Variants in SLC35E4 observed in about 807,000 individuals in gnomAD.
SLC35E4 encodes solute carrier family 35 member E4.
In SLC35E4, 15 loss-of-function variants were observed where a neutral mutation model predicts 19.3. The ratio of observed to expected loss-of-function variants is 0.78; its 90% CI spans 0.52 to 1.20. SLC35E4 has a LOEUF of 1.20. SLC35E4 is among the 50% of genes most tolerant of loss of function. SLC35E4 has a pLI of 0.00. For synonymous variants in SLC35E4, 219 were observed against 219.9 expected, an observed-to-expected ratio of 1.00 and a Z score of 0.04; for missense variants, 406 against 472.3, an observed-to-expected ratio of 0.86 and a Z score of 1.30.
intron 1 of SLC35E4, among the ~76,000 whole-genome samples, chr22:30,639,554 A>C (rs943663136): frequency 5.9e-5 from 9 of 152,160 alleles, no homozygotes; most frequent in Non-Finnish European, 1.3e-4. Flanking sequence ...TCATCCCTAC[A>C]GCTTCGACCA....
downstream of SLC35E4, among the ~76,000 whole-genome samples, chr22:30,651,007 G>A (rs979963754): frequency 4.7e-5 from 7 of 150,502 alleles, no homozygotes; most frequent in African/African-American, 1.7e-4. Flanking sequence ...GGGCAAACAA[G>A]GATTGTGAGT....
downstream of SLC35E4, among the ~76,000 whole-genome samples, chr22:30,650,177 C>T (rs2088186096): frequency 7.4e-6 from 1 of 135,286 alleles, no homozygotes; most frequent in African/African-American, 2.8e-5. Flanking sequence ...ACTAAAAATA[C>T]AAAAATTAGC....
At position 30,644,160 on chromosome 22, in the gene SLC35E4, C is replaced by T. The variant is rs77225705; in HGVS notation, c.620-2438C>T. 2.6e-3 allele frequency among the ~76,000 whole-genome samples: 401 copies of T among 152,308 alleles called. 1 individual carries two copies. Among genetic ancestry groups the T allele is most frequent in the African/African-American group, 8.9e-3 (370 of 41,578 alleles). On this transcript the variant is annotated intron_variant, in intron 1 of 1. Coordinates refer to ENST00000343605, the MANE Select transcript of SLC35E4 (RefSeq NM_001001479.4). Reference sequence around the variant, plus strand: ...ATAACACTGTTAACTTTCGAGCCTGCGAGCAGGAGGCATTCTGATTATCTG... The same window carrying T: ...ATAACACTGTTAACTTTCGAGCCTGTGAGCAGGAGGCATTCTGATTATCTG...
At chr22:30,651,259 G>C (rs1256667783), downstream of SLC35E4, among the ~76,000 whole-genome samples, 1 of 150,288 alleles carries the variant, frequency 6.7e-6, no homozygotes, top group South Asian at 2.1e-4. Flanking sequence ...AGAATGCAGT[G>C]GTGCAATCTT....
chr22:30,668,920 C>T (rs5753269), exon 3 of SLC35E4: 9 of 152,188 alleles, frequency 5.9e-5, no homozygotes. Context: ...TCCTCCCCTT[C>T]TAGTATTGGT....
At position 30,647,153 on chromosome 22, in the gene SLC35E4, T is replaced by A. The variant is rs2088148761; in HGVS notation, c.*122T>A. The A allele has an allele frequency of 8.1e-7, 1 of 1,239,770 alleles. No individual in the cohort carries two copies. The highest frequency in any genetic ancestry group is 1.5e-5 in the African/African-American group (1 of 65,676). 76.8% of individuals were successfully genotyped at this position (1,239,770 alleles called of 1,614,324 possible). On this transcript the variant is annotated 3_prime_UTR_variant, in exon 2 of 2. Coordinates refer to ENST00000343605, the MANE Select transcript of SLC35E4 (RefSeq NM_001001479.4). The stretch of plus-strand genomic sequence containing the variant: ...TGGCTCACGCCTATAATCCCAGCAC[T>A]TCCAGAGTCCGAGGTGGGTGGATCA...
intron 2 of SLC35E4, among the ~76,000 whole-genome samples, chr22:30,660,157 C>T (rs552074689): frequency 8.5e-5 from 13 of 152,338 alleles, no homozygotes; most frequent in Middle Eastern, 3.4e-3. Flanking sequence ...AGACTCTAAG[C>T]AGAGGACCTA....
intron 1 of SLC35E4, among the ~76,000 whole-genome samples, chr22:30,642,475 C>T (rs925035703): frequency 7.9e-5 from 12 of 152,066 alleles, no homozygotes; most frequent in Non-Finnish European, 1.5e-4. Context: ...TGGTGGCTCA[C>T]GCCTGTAATC....
chr22:30,656,278 C>CT (rs2088336974), intron 2 of SLC35E4, among the ~76,000 whole-genome samples: 1 of 152,166 alleles, frequency 6.6e-6, no homozygotes, highest in African/African-American at 2.4e-5. Context: ...CACTTGGACT[C>CT]TAAGGGCATT....
chr22:30,654,616 G>C, intron 2 of SLC35E4: 1 of 465,802 alleles, frequency 2.1e-6, no homozygotes, highest in South Asian at 1.6e-5. Flanking sequence ...GAAGTGGTAG[G>C]TGCCTCGGGA....
At chr22:30,658,072 A>G (rs1359684455) in intron 2 of SLC35E4, among the ~76,000 whole-genome samples, 1 of 151,562 alleles carries the variant, frequency 6.6e-6, no homozygotes, top group Non-Finnish European at 1.5e-5. Context: ...ACACCACAGT[A>G]TCTAGCCTGG....
At chr22:30,649,496 G>A (rs1271258865), downstream of SLC35E4, among the ~76,000 whole-genome samples, 5 of 129,010 alleles carry the variant, frequency 3.9e-5, 1 homozygote, top group South Asian at 9.5e-4. Context: ...GGCGGGGTGG[G>A]AGTGGGTAGG....
At chr22:30,654,608 A>C (rs1361326184) in intron 2 of SLC35E4, 1 of 466,214 alleles carries the variant, frequency 2.1e-6, no homozygotes, top group Non-Finnish European at 4.3e-6. Flanking sequence ...GGGGCCCAGA[A>C]GTGGTAGGTG....
At chr22:30,661,052 G>C (rs1197148628) in intron 2 of SLC35E4, among the ~76,000 whole-genome samples, 2 of 152,118 alleles carry the variant, frequency 1.3e-5, no homozygotes, top group African/African-American at 4.8e-5. Context: ...TGTTGGCCAG[G>C]CTGGTCTCGA....
downstream of SLC35E4, among the ~76,000 whole-genome samples, chr22:30,652,488 TCTATAAA>T (rs540463179): frequency 1.6e-3 from 239 of 152,360 alleles, 1 homozygote; most frequent in African/African-American, 4.6e-3. Context: ...TTCATTTTAA[TCTATAAA>T]CTATAAACTA....
At chr22:30,644,483 G>T (rs570871225) in intron 1 of SLC35E4, among the ~76,000 whole-genome samples, 152 of 152,334 alleles carry the variant, frequency 1.0e-3, no homozygotes, top group African/African-American at 3.5e-3. Flanking sequence ...GCTCACACCT[G>T]TAATCCCAGC....
downstream of SLC35E4, among the ~76,000 whole-genome samples, chr22:30,651,681 G>C (rs1400059295): frequency 6.6e-6 from 1 of 151,856 alleles, no homozygotes; most frequent in Non-Finnish European, 1.5e-5. Flanking sequence ...GACTAGGGAA[G>C]ACCTGTTGTT....
downstream of SLC35E4, among the ~76,000 whole-genome samples, chr22:30,650,894 C>G (rs1025924111): frequency 4.6e-5 from 7 of 152,100 alleles, no homozygotes; most frequent in Admixed American, 4.6e-4. Context: ...GCTGGGCATC[C>G]TGCCATTGTG....
rs970303562 is a variant in SLC35E4, at chr22:30,641,702, T to C, written c.619+4633T>C. ...CTGGGACTACAGGCTCATGCCACCG[T>C]CCTGGCTAATTTTTAATTTTTTTTT... On this transcript the variant is annotated intron_variant, in intron 1 of 1. Coordinates refer to ENST00000343605, the MANE Select transcript of SLC35E4 (RefSeq NM_001001479.4). 1.4e-4 allele frequency among the ~76,000 whole-genome samples: 21 copies of C among 146,834 alleles called. No individual in the cohort carries two copies. In the Middle Eastern group the frequency reaches 0.01, roughly 73 times the overall value.
Sources: gnomAD v4.1 joint callset for allele counts (sites outside exome capture counted in the v4.1 genomes callset) on GRCh38, gnomAD v4.1.1 for gene constraint, MANE v1.5 for transcripts, NCBI Gene and HGNC (gene_info 2026-07-23, HGNC 2026-07-21) for gene names.